Variants in RBFOX1 observed in about 807,000 individuals in gnomAD.
The protein encoded by RBFOX1 is RNA binding fox-1 homolog 1.
In RBFOX1, 8 loss-of-function variants were observed where a neutral mutation model predicts 57.7. The ratio of observed to expected loss-of-function variants is 0.14; its 90% CI spans 0.08 to 0.25. The LOEUF (loss-of-function observed/expected upper bound fraction) is 0.25, where lower values mean the gene tolerates loss of function less well. RBFOX1 is among the 10% of genes least tolerant of loss of function. RBFOX1 has a pLI of 1.00. For synonymous variants in RBFOX1, 326 were observed against 222.4 expected (o/e 1.47, Z -4.15); for missense variants, 611 against 548.5 (o/e 1.11, Z -1.14).
chr16:5,530,933 T>TAAAAAAAAAAAAAA (rs59311923), intron 2 of RBFOX1, among the ~76,000 whole-genome samples: 8 of 55,046 alleles, frequency 1.5e-4, no homozygotes, highest in Non-Finnish European at 2.5e-4. Flanking sequence ...ACTAAAAATA[T>TAAAAAAAAAAAAAA]AAAAAAAAAA....
At chr16:7,664,844 C>G (rs771222161) in intron 12 of RBFOX1, 85 bp from the exon 13 acceptor site, 53 of 1,610,896 alleles carry the variant, frequency 3.3e-5, no homozygotes, top group Non-Finnish European at 4.5e-5. Flanking sequence ...TGTGACCAGA[C>G]TAACCTCGCC....
chr16:5,619,267 G>A (rs1244687480), intron 3 of RBFOX1, among the ~76,000 whole-genome samples: 1 of 152,162 alleles, frequency 6.6e-6, no homozygotes, highest in East Asian at 1.9e-4. Context: ...CCGGGCTCCA[G>A]CCACCTTGGC....
chr16:5,424,974 CTTTCT>C (rs372212119), intron 1 of RBFOX1, among the ~76,000 whole-genome samples: 8,429 of 70,518 alleles, frequency 0.12, 849 homozygotes, highest in East Asian at 0.24. Flanking sequence ...CTCTTTCTTT[CTTTCT>C]TTTCTTTTCT....
At chr16:7,419,114 C>T (rs957124280) in intron 4 of RBFOX1, among the ~76,000 whole-genome samples, 24 of 152,030 alleles carry the variant, frequency 1.6e-4, no homozygotes, top group Admixed American at 7.9e-4. Context: ...CGCCATGTTT[C>T]CCAGGCTGGT....
At chr16:7,647,196 A>G (rs1251581080) in intron 11 of RBFOX1, among the ~76,000 whole-genome samples, 1 of 152,182 alleles carries the variant, frequency 6.6e-6, no homozygotes, top group Non-Finnish European at 1.5e-5. Context: ...TATGCTCTGT[A>G]TATAAATCTA....
At chr16:6,668,826 T>C (rs949675295) in intron 3 of RBFOX1, among the ~76,000 whole-genome samples, 5 of 152,338 alleles carry the variant, frequency 3.3e-5, no homozygotes, top group Admixed American at 2.6e-4. Flanking sequence ...GTCTATTTTG[T>C]GTAATTTTTA....
chr16:5,819,958 G>A (rs2055785992), intron 3 of RBFOX1, among the ~76,000 whole-genome samples: 1 of 152,172 alleles, frequency 6.6e-6, no homozygotes, highest in African/African-American at 2.4e-5. Context: ...ATCCCACTCT[G>A]TTGAGGTACC....
chr16:5,924,546 A>G (rs989057720), intron 4 of RBFOX1, among the ~76,000 whole-genome samples: 7 of 151,964 alleles, frequency 4.6e-5, no homozygotes, highest in African/African-American at 1.7e-4. Flanking sequence ...TTGCCCTGTG[A>G]TCTCTGTACT....
At chr16:6,464,008 C>A (rs1020374400) in intron 2 of RBFOX1, among the ~76,000 whole-genome samples, 4 of 152,152 alleles carry the variant, frequency 2.6e-5, no homozygotes, top group Non-Finnish European at 5.9e-5. Context: ...ATTTGATAGG[C>A]TAAAACTAGT....
At chr16:5,511,973 C>G (rs2043607945) in intron 2 of RBFOX1, among the ~76,000 whole-genome samples, 1 of 152,166 alleles carries the variant, frequency 6.6e-6, no homozygotes, top group South Asian at 2.1e-4. Context: ...GATGATAAAC[C>G]TTCCCTGATA....
Position 7,140,157 on chromosome 16 carries a change from C to CCTCTCTCTCTCTCTCTCTCTCT in RBFOX1, c.27+88075_27+88096dup, listed in dbSNP as rs57128710. ...CATTCTCTTATTCTCTCCTTCTCTCCCTCTCTCTCTCTCTCTCTCTCTCTC... is the reference window on the plus strand; with the variant it reads ...CATTCTCTTATTCTCTCCTTCTCTCCCTCTCTCTCTCTCTCTCTCTCTCTCTCTCTCTCTCTCTCTCTCTCTC... On this transcript the variant is annotated intron_variant, in intron 4 of 15. Coordinates refer to ENST00000550418, the MANE Select transcript of RBFOX1 (RefSeq NM_018723.4). Among the ~76,000 whole-genome samples, 34 of 70,876 alleles carry CCTCTCTCTCTCTCTCTCTCTCT rather than the reference C, an allele frequency of 4.8e-4. 1 individual carries two copies. The highest frequency in any genetic ancestry group is 7.6e-4 in the Non-Finnish European group (28 of 36,900). The allele number at this position is 70,876 out of a possible 152,430, so 46.5% of individuals were successfully genotyped here.
At chr16:7,134,283 G>T (rs551801158) in intron 4 of RBFOX1, among the ~76,000 whole-genome samples, 1 of 152,260 alleles carries the variant, frequency 6.6e-6, no homozygotes, top group East Asian at 1.9e-4. Flanking sequence ...CTGGGGATAT[G>T]ACATTTTGCT....
chr16:6,573,485 G>A (rs1291375973), intron 2 of RBFOX1, among the ~76,000 whole-genome samples: 1 of 152,164 alleles, frequency 6.6e-6, no homozygotes, highest in Non-Finnish European at 1.5e-5. Flanking sequence ...TGTCACTCAG[G>A]AAGGGCTTTA....
chr16:6,693,370 A>G lies in RBFOX1; in HGVS notation c.-16+38720A>G, dbSNP rs2060522601. The stretch of plus-strand genomic sequence containing the variant: ...TAGCATCACCGCCATCATCATCAAC[A>G]TCATCCTACTCCACTAGAATCACCA... On this transcript the variant is annotated intron_variant, in intron 3 of 15. Transcript: ENST00000550418. 2.0e-5 allele frequency among the ~76,000 whole-genome samples: 3 copies of G among 147,652 alleles called. No individual in the cohort carries two copies. In the Admixed American group the frequency reaches 2.0e-4, roughly 10 times the overall value.
chr16:6,968,522 G>A (rs1204351725), intron 3 of RBFOX1, among the ~76,000 whole-genome samples: 1 of 152,092 alleles, frequency 6.6e-6, no homozygotes, highest in Admixed American at 6.6e-5. Flanking sequence ...CGTTTCCTGA[G>A]AGCAGTCTTA....
At chr16:5,353,313 G>C (rs1280820317) in intron 1 of RBFOX1, among the ~76,000 whole-genome samples, 1 of 151,958 alleles carries the variant, frequency 6.6e-6, no homozygotes, top group Non-Finnish European at 1.5e-5. Context: ...GGGAGGCAGA[G>C]GTTGCAGTGA....
At chr16:5,317,350 T>C (rs936310439) in intron 1 of RBFOX1, among the ~76,000 whole-genome samples, 1 of 152,202 alleles carries the variant, frequency 6.6e-6, no homozygotes, top group African/African-American at 2.4e-5. Context: ...GGCTAATATC[T>C]GTAATCCCAG....
At chr16:5,769,711 T>C (rs913820093) in intron 3 of RBFOX1, among the ~76,000 whole-genome samples, 2 of 152,032 alleles carry the variant, frequency 1.3e-5, no homozygotes, top group Admixed American at 6.6e-5. Context: ...CGTGATGACA[T>C]GGGGAGAAGA....
chr16:6,238,222 A>G (rs745826223), intron 1 of RBFOX1, among the ~76,000 whole-genome samples: 172 of 152,238 alleles, frequency 1.1e-3, no homozygotes, highest in Admixed American at 2.8e-3. Context: ...TTAGGTCTGC[A>G]TTCACAGTGG....
Sources: gnomAD v4.1 joint callset for allele counts (sites outside exome capture counted in the v4.1 genomes callset) on GRCh38, gnomAD v4.1.1 for gene constraint, MANE v1.5 for transcripts, NCBI Gene and HGNC (gene_info 2026-07-23, HGNC 2026-07-21) for gene names.